The following CCDC171 variants were observed in gnomAD, a reference collection of about 807,000 sequenced individuals.
The protein encoded by CCDC171 is coiled-coil domain-containing protein 171.
In CCDC171, 177 loss-of-function variants were observed where a neutral mutation model predicts 168.2. The ratio of observed to expected loss-of-function variants is 1.05; its 90% CI spans 0.93 to 1.19. CCDC171 has a LOEUF of 1.19. CCDC171 is among the 50% of genes most tolerant of loss of function. The pLI, the probability that CCDC171 is intolerant of heterozygous loss-of-function variation, is 0.00. For synonymous variants in CCDC171, 687 were observed against 540.8 expected (o/e 1.27, Z -3.75); for missense variants, 1,991 against 1,539.0 (o/e 1.29, Z -4.91).
rs1036063802 is a variant in CCDC171, at chr9:16,034,690, A to T, written n.999-767A>T. On this transcript the variant is annotated intron_variant and non_coding_transcript_variant, in intron 6 of 9. Coordinates refer to the CCDC171 transcript ENST00000486641. Reference sequence around the variant, plus strand: ...CACCACTGTGATGGACACTGCCCCAATCCTGGGGGACAGGTGGCTTTAGTT... The same window carrying T: ...CACCACTGTGATGGACACTGCCCCATTCCTGGGGGACAGGTGGCTTTAGTT... 2.2e-4 allele frequency among the ~76,000 whole-genome samples: 33 copies of T among 152,222 alleles called. 1 individual carries two copies. The highest frequency in any genetic ancestry group is 7.5e-4 in the African/African-American group (31 of 41,462).
intron 24 of CCDC171, among the ~76,000 whole-genome samples, chr9:15,918,428 G>GA (rs35132712): frequency 0.37 from 48,536 of 131,746 alleles, 9,850 homozygotes; most frequent in East Asian, 0.63. Flanking sequence ...GTAAGACTCA[G>GA]AAAAAAAAAA....
At chr9:15,594,210 T>C in intron 6 of CCDC171, 38 bp downstream of exon 6, 1 of 1,094,590 alleles carries the variant, frequency 9.1e-7, no homozygotes, top group Non-Finnish European at 1.3e-6. Flanking sequence ...ATATATATTT[T>C]TAATGCTTAT....
intron 20 of CCDC171, 52 bp downstream of exon 20, chr9:15,779,202 A>G: frequency 9.4e-7 from 1 of 1,059,140 alleles, no homozygotes; most frequent in Non-Finnish European, 1.3e-6. Flanking sequence ...ATATTTCTTT[A>G]TCTCTATATC....
At chr9:16,077,190 G>C in the CCDC171 span, among the ~76,000 whole-genome samples, 1 of 152,164 alleles carries the variant, frequency 6.6e-6, no homozygotes, top group African/African-American at 2.4e-5. Flanking sequence ...TTTAGAAGAG[G>C]TGGTGTCATG....
At chr9:15,772,076 T>C (rs1301717895) in intron 18 of CCDC171, among the ~76,000 whole-genome samples, 1 of 152,146 alleles carries the variant, frequency 6.6e-6, no homozygotes, top group East Asian at 1.9e-4. Flanking sequence ...TCAAGTAATC[T>C]GCCAGCCTTG....
chr9:15,841,215 A>G (rs2060667148), intron 21 of CCDC171, among the ~76,000 whole-genome samples: 1 of 152,126 alleles, frequency 6.6e-6, no homozygotes, highest in East Asian at 1.9e-4. Flanking sequence ...ATTTCCTTTT[A>G]TCTTTTTCAT....
At chr9:15,905,969 C>T (rs1473201970) in intron 24 of CCDC171, among the ~76,000 whole-genome samples, 1 of 152,144 alleles carries the variant, frequency 6.6e-6, no homozygotes, top group Non-Finnish European at 1.5e-5. Context: ...CAAGACTAAA[C>T]CAGGAAGAAG....
chr9:15,682,507 G>A (rs553895750), intron 10 of CCDC171, among the ~76,000 whole-genome samples: 2 of 151,760 alleles, frequency 1.3e-5, no homozygotes, highest in African/African-American at 2.4e-5. Flanking sequence ...TATTTATATG[G>A]TACACTGTGA....
chr9:15,892,134 A>T (rs1476283975), intron 24 of CCDC171, among the ~76,000 whole-genome samples: 1 of 152,220 alleles, frequency 6.6e-6, no homozygotes, highest in Non-Finnish European at 1.5e-5. Flanking sequence ...ATATAGGATC[A>T]TGTCTTCTGC....
chr9:15,957,939 C>A (rs1195671709), intron 25 of CCDC171, among the ~76,000 whole-genome samples: 2 of 152,030 alleles, frequency 1.3e-5, no homozygotes, highest in South Asian at 2.1e-4. Flanking sequence ...CGGTAAGTTC[C>A]CTTCTGAAGC....
chr9:15,927,053 C>T (rs1033314114), intron 25 of CCDC171, among the ~76,000 whole-genome samples: 17 of 151,650 alleles, frequency 1.1e-4, no homozygotes, highest in African/African-American at 4.1e-4. Context: ...TTATCAAAAA[C>T]ATATGTCATG....
intron 21 of CCDC171, among the ~76,000 whole-genome samples, chr9:15,840,681 G>C (rs2060641421): frequency 6.6e-6 from 1 of 152,058 alleles, no homozygotes; most frequent in Admixed American, 6.6e-5. Flanking sequence ...TACATGTCGT[G>C]TGTCACAATA....
chr9:15,717,815 C>G (rs1401725285), intron 11 of CCDC171, among the ~76,000 whole-genome samples: 1 of 152,110 alleles, frequency 6.6e-6, no homozygotes, highest in Non-Finnish European at 1.5e-5. Flanking sequence ...CCCCTGGGGC[C>G]TGAATAATCA....
rs1028918117 is a variant in CCDC171, at chr9:15,600,783, C to G, written c.675+6611C>G. ...CCTCCTTGAGCTGCGGTGGGCTCCA[C>G]CCATTTCGAGCTTCCCGGCCACTTT... On this transcript the variant is annotated intron_variant, in intron 6 of 25. Coordinates refer to ENST00000380701, the MANE Select transcript of CCDC171 (RefSeq NM_173550.4). Among the ~76,000 whole-genome samples the G allele has an allele frequency of 3.9e-5, 6 of 152,310 alleles. No individual in the cohort carries two copies. In the East Asian group the frequency reaches 7.7e-4, roughly 20 times the overall value.
rs543176455 is a variant in CCDC171, at chr9:15,628,927, G to C, written c.822+5514G>C. Among the ~76,000 whole-genome samples, 931 of 152,318 alleles carry C rather than the reference G, an allele frequency of 6.1e-3. 8 individuals carry two copies. Among genetic ancestry groups the C allele is most frequent in the African/African-American group, 0.022 (906 of 41,580 alleles). ...CTGGTACCCAGGCAAACAGAGTCTG[G>C]AGTGGACCTCTAGCAAACTCCAGCA... On this transcript the variant is annotated intron_variant, in intron 7 of 25. Transcript: ENST00000380701.
At chr9:15,808,251 A>T in intron 21 of CCDC171, among the ~76,000 whole-genome samples, 1 of 152,076 alleles carries the variant, frequency 6.6e-6, no homozygotes, top group East Asian at 1.9e-4. Context: ...CAGTAGAAAT[A>T]TAACTGGAAT....
intron 24 of CCDC171, among the ~76,000 whole-genome samples, chr9:15,880,727 C>T (rs1405046747): frequency 1.3e-5 from 2 of 151,384 alleles, no homozygotes; most frequent in Non-Finnish European, 2.9e-5. Flanking sequence ...TCACCCGCCT[C>T]AGCCTCCCAA....
chr9:16,078,077 C>T, the CCDC171 span, among the ~76,000 whole-genome samples: 120 of 145,558 alleles, frequency 8.2e-4, no homozygotes, highest in African/African-American at 3.2e-3. Context: ...CACACACACA[C>T]ACACACACAC....
intron 7 of CCDC171, among the ~76,000 whole-genome samples, chr9:15,627,276 T>C (rs1018129174): frequency 1.3e-5 from 2 of 152,180 alleles, no homozygotes; most frequent in Non-Finnish European, 2.9e-5. Flanking sequence ...AACTCCTGGA[T>C]TCATTGATTT....
Sources: gnomAD v4.1 joint callset for allele counts (sites outside exome capture counted in the v4.1 genomes callset) on GRCh38, gnomAD v4.1.1 for gene constraint, MANE v1.5 for transcripts, NCBI Gene and HGNC (gene_info 2026-07-23, HGNC 2026-07-21) for gene names.